RASA3: variants seen among roughly 807,000 people sequenced by gnomAD.
RASA3 encodes the protein ras GTPase-activating protein 3.
A neutral mutation model predicts 110.0 loss-of-function variants in RASA3; 73 were observed. The ratio of observed to expected loss-of-function variants is 0.66; its 90% CI spans 0.55 to 0.81. The LOEUF (loss-of-function observed/expected upper bound fraction) is 0.81, where lower values mean the gene tolerates loss of function less well. Among genes scored for constraint, RASA3 ranks in the 30% least tolerant of loss-of-function variants. The pLI is 0.00. For missense variants in RASA3, 976 were observed against 1,113.2 expected, an observed-to-expected ratio of 0.88 and a Z score of 1.75; for synonymous variants, 500 against 451.4, an observed-to-expected ratio of 1.11 and a Z score of -1.37.
At chr13:113,998,263 C>T (rs9590433) in intron 20 of RASA3, among the ~76,000 whole-genome samples, 83,671 of 151,824 alleles carry the variant, frequency 0.55, 24,513 homozygotes, top group African/African-American at 0.76. Context: ...CCATCTCCCC[C>T]TCTTCCCAAC....
chr13:113,997,486 G>A (rs779835726), intron 20 of RASA3, among the ~76,000 whole-genome samples: 4 of 152,190 alleles, frequency 2.6e-5, no homozygotes, highest in African/African-American at 9.6e-5. Flanking sequence ...GGCAAAGGGT[G>A]TCAAAGGCAG....
intron 1 of RASA3, among the ~76,000 whole-genome samples, chr13:114,101,352 A>AGCACCCCCT (rs2080058278): frequency 6.6e-6 from 1 of 152,300 alleles, no homozygotes; most frequent in East Asian, 1.9e-4. Flanking sequence ...CAGTGGCCCC[A>AGCACCCCCT]GCACCCCCTG....
At chr13:114,100,701 G>C (rs1300408886) in intron 1 of RASA3, among the ~76,000 whole-genome samples, 1 of 152,268 alleles carries the variant, frequency 6.6e-6, no homozygotes, top group East Asian at 1.9e-4. Context: ...AAAATCCCAG[G>C]CTGGTTCGGT....
chr13:114,120,594 G>T (rs1175826358), intron 1 of RASA3, among the ~76,000 whole-genome samples: 1 of 140,012 alleles, frequency 7.1e-6, no homozygotes, highest in Non-Finnish European at 1.6e-5. Context: ...CCAGCCAGAC[G>T]TCGGTCAGGG....
chr13:114,003,241 G>A (rs1420241001), intron 18 of RASA3, among the ~76,000 whole-genome samples: 1 of 152,150 alleles, frequency 6.6e-6, no homozygotes, highest in Non-Finnish European at 1.5e-5. Context: ...GGTGTGAGTC[G>A]CAGGTGGTGC....
chr13:114,041,703 A>G (rs2054412033), intron 3 of RASA3, among the ~76,000 whole-genome samples: 1 of 152,236 alleles, frequency 6.6e-6, no homozygotes. Context: ...GTGGACACGC[A>G]CGTGTGTGCA....
chr13:114,028,144 A>G (rs1178115918), intron 5 of RASA3, among the ~76,000 whole-genome samples: 1 of 143,758 alleles, frequency 7.0e-6, no homozygotes, highest in Non-Finnish European at 1.5e-5. Context: ...TAAGGTGAGC[A>G]TGTGCTTTAG....
chr13:114,092,690 T>C (rs1339861763), intron 1 of RASA3, among the ~76,000 whole-genome samples: 2 of 152,206 alleles, frequency 1.3e-5, no homozygotes, highest in African/African-American at 4.8e-5. Context: ...TGGCCTAGAG[T>C]ATAGTTTAAC....
chr13:114,003,338 G>C (rs2053444429), intron 18 of RASA3, among the ~76,000 whole-genome samples: 1 of 152,170 alleles, frequency 6.6e-6, no homozygotes, highest in Non-Finnish European at 1.5e-5. Context: ...GGTGGCACCT[G>C]GGAGGCGCCT....
chr13:114,050,212 C>T (rs187733064), intron 3 of RASA3, among the ~76,000 whole-genome samples: 33 of 152,308 alleles, frequency 2.2e-4, no homozygotes, highest in Admixed American at 3.9e-4. Flanking sequence ...GCAGGGGTCA[C>T]GCTGGACCCT....
At position 113,996,562 on chromosome 13, in the gene RASA3, C is replaced by G; in HGVS notation, c.2110G>C (p.Asp704His). 2 of 1,613,014 alleles carry G rather than the reference C, an allele frequency of 1.2e-6. No homozygotes were observed. Among genetic ancestry groups the G allele is most frequent in the Non-Finnish European group, 1.7e-6 (2 of 1,180,002 alleles). The change falls in exon 21 of 24, where the codon GAC becomes CAC. Residue 704 changes from aspartate (D) to histidine (H), a missense_variant. By Grantham distance (81) the Asp-to-His change is moderately conservative (BLOSUM62 -1). Transcript: ENST00000334062. ...CAGGGCGAGCAGCCCGGAGCCGAGT[C>G]GGATGGCGCCCTACAGCACAGCCAG... ...GHWLCCRAPS[D>H]SAPGCSPCTG...
At position 114,009,418 on chromosome 13, in the gene RASA3, T is replaced by C. The variant is rs756484065; in HGVS notation, c.1637A>G (p.Asn546Ser). The change falls in exon 17 of 24, where the codon AAT becomes AGT. Residue 546 changes from asparagine (N) to serine (S), a missense_variant. Physicochemically the swap from Asn to Ser is conservative, Grantham distance 46. This residue lies in a region of RASA3 where 732 missense variants were observed against 779.7 expected (regional missense o/e 0.94). Coordinates refer to ENST00000334062, the MANE Select transcript of RASA3 (RefSeq NM_007368.4). ...SYMATFYEFF[N>S]EQKYADAVKN... The stretch of plus-strand genomic sequence containing the variant: ...CACCGCATCAGCATATTTCTGCTCA[T>C]TGAAGAATTCATAAAATGTAGCCAT... 1.3e-5 allele frequency: 21 copies of C among 1,612,504 alleles called. No homozygotes were observed. The Middle Eastern group carries it at 6.6e-4, about 50-fold the overall frequency.
intron 2 of RASA3, among the ~76,000 whole-genome samples, chr13:114,068,251 G>C (rs877425): frequency 0.21 from 31,435 of 152,220 alleles, 3,335 homozygotes; most frequent in East Asian, 0.31. Flanking sequence ...GGGGCAGAGG[G>C]CTTTGCCCAG....
At chr13:114,090,066 GT>G (rs2079871955) in intron 1 of RASA3, among the ~76,000 whole-genome samples, 1 of 152,230 alleles carries the variant, frequency 6.6e-6, no homozygotes, top group Non-Finnish European at 1.5e-5. Context: ...TGTTTGGGCT[GT>G]TCCCAGCTTT....
chr13:113,980,071 ATG>A (rs1334252957), intron 23 of RASA3, among the ~76,000 whole-genome samples: 28 of 101,852 alleles, frequency 2.7e-4, no homozygotes, highest in African/African-American at 8.2e-4. Flanking sequence ...ACCTCCTCCC[ATG>A]TGTGTGCACC....
Position 113,979,199 on chromosome 13 carries a change from G to GAGGGAAACCCC in RASA3, c.*137_*147dup. On this transcript the variant is annotated 3_prime_UTR_variant, in exon 24 of 24. Transcript: ENST00000334062. ...GGCGGTGGTGGCAGCGGTTCTGGGA[G>GAGGGAAACCCC]AGGGAAACCCCAGCGCCACTTGTCT... 1.3e-6 allele frequency: 1 copy of GAGGGAAACCCC among 747,750 alleles called. No individual in the cohort carries two copies. Among genetic ancestry groups the GAGGGAAACCCC allele is most frequent in the Non-Finnish European group, 2.2e-6 (1 of 445,026 alleles). 46.3% of individuals were successfully genotyped at this position (747,750 alleles called of 1,614,324 possible).
chr13:113,996,836 G>A (rs564375106), intron 20 of RASA3, 97 bp from the exon 21 acceptor site: 16 of 1,115,824 alleles, frequency 1.4e-5, no homozygotes, highest in Middle Eastern at 2.2e-4. Flanking sequence ...CGCCGGAGTC[G>A]TAAGAGGGGA....
chr13:114,049,712 G>A (rs766359901), intron 3 of RASA3, among the ~76,000 whole-genome samples: 4 of 152,222 alleles, frequency 2.6e-5, no homozygotes, highest in African/African-American at 4.8e-5. Flanking sequence ...ATTAGCCTCC[G>A]CTGAATAATC....
At chr13:114,087,311 C>T (rs1370996569) in intron 1 of RASA3, among the ~76,000 whole-genome samples, 1 of 152,150 alleles carries the variant, frequency 6.6e-6, no homozygotes, top group Non-Finnish European at 1.5e-5. Flanking sequence ...GTATCGATTC[C>T]CTTCGTCCTT....
Sources: gnomAD v4.1 joint callset for allele counts (sites outside exome capture counted in the v4.1 genomes callset) on GRCh38, gnomAD v4.1.1 for gene constraint, gnomAD v4.1.1 regional missense constraint, MANE v1.5 for transcripts, NCBI Gene and HGNC (gene_info 2026-07-23, HGNC 2026-07-21) for gene names.